The following SCAMP4 variants were observed in gnomAD, a reference collection of about 807,000 sequenced individuals.
SCAMP4 encodes the protein secretory carrier-associated membrane protein 4.
SCAMP4 carries 19 observed loss-of-function variants against 32.1 expected under a neutral mutation model. The observed-to-expected ratio is 0.59, with a 90% CI of 0.41 to 0.87. SCAMP4 has a LOEUF of 0.87. Among genes scored for constraint, SCAMP4 ranks in the 40% least tolerant of loss-of-function variants. The pLI is 0.00. For synonymous variants in SCAMP4, 152 were observed against 132.7 expected (o/e 1.15, Z -1.00); for missense variants, 302 against 309.0 (o/e 0.98, Z 0.17).
In SCAMP4 at chr19:1,924,509, T is replaced by C; in HGVS notation, c.*225T>C. The stretch of plus-strand genomic sequence containing the variant: ...AAGCACTCCCCAGCAGCCCTTGGCC[T>C]CTGCCGTCCACAGGACGCCCTCTTG... On this transcript the variant is annotated 3_prime_UTR_variant, in exon 7 of 7. Coordinates refer to ENST00000316097, the MANE Select transcript of SCAMP4 (RefSeq NM_079834.4). 3.5e-6 allele frequency: 2 copies of C among 570,516 alleles called. No individual in the cohort carries two copies. The highest frequency in any genetic ancestry group is 4.1e-5 in the South Asian group (2 of 48,464). 35.3% of individuals were successfully genotyped at this position (570,516 alleles called of 1,614,324 possible).
intron 5 of SCAMP4, chr19:1,922,111 C>G: frequency 4.1e-6 from 4 of 985,456 alleles, no homozygotes; most frequent in African/African-American, 1.7e-5. Context: ...GTTTCATCAC[C>G]TGTTAAGACA....
At chr19:1,916,237 CAAA>C (rs529074523) in intron 2 of SCAMP4, among the ~76,000 whole-genome samples, 3 of 115,922 alleles carry the variant, frequency 2.6e-5, no homozygotes, top group Non-Finnish European at 1.9e-5. Flanking sequence ...GACTGGATCT[CAAA>C]AAAAAAAAAA....
At chr19:1,915,499 G>T (rs962867915) in intron 2 of SCAMP4, 4 of 199,636 alleles carry the variant, frequency 2.0e-5, no homozygotes, top group Non-Finnish European at 4.2e-5. Flanking sequence ...CCAGTGCCAC[G>T]CTGAGTGCCC....
At chr19:1,911,096 TG>T (rs1387044608) in intron 1 of SCAMP4, among the ~76,000 whole-genome samples, 4 of 152,110 alleles carry the variant, frequency 2.6e-5, no homozygotes, top group Non-Finnish European at 5.9e-5. Context: ...AGGATGGTCT[TG>T]ATCTCCTGAC....
intron 6 of SCAMP4, 142 bp from the exon 7 acceptor site, chr19:1,923,966 T>G: frequency 3.3e-6 from 1 of 305,582 alleles, no homozygotes; most frequent in Non-Finnish European, 7.0e-6. Context: ...CACCATGTTG[T>G]TTGGACTGGT....
At position 1,909,347 on chromosome 19, in the gene SCAMP4, C is replaced by G. The variant is rs548996001; in HGVS notation, c.-42+3908C>G. 3.9e-5 allele frequency among the ~76,000 whole-genome samples: 6 copies of G among 152,336 alleles called. No individual in the cohort carries two copies. In the South Asian group the frequency reaches 1.0e-3, roughly 26 times the overall value. ...CACGCCTGCCTCTCTGCTGTGCTGTCTGCCCGCCTAGGGCAGGCTCCCTTC... is the reference window on the plus strand; with the variant it reads ...CACGCCTGCCTCTCTGCTGTGCTGTGTGCCCGCCTAGGGCAGGCTCCCTTC... On this transcript the variant is annotated intron_variant, in intron 1 of 6. Coordinates refer to ENST00000316097, the MANE Select transcript of SCAMP4 (RefSeq NM_079834.4).
chr19:1,924,357 G>A lies in SCAMP4; in HGVS notation c.*73G>A, dbSNP rs569277285. The A allele has an allele frequency of 2.1e-3, 3,010 of 1,442,338 alleles. 8 individuals carry two copies. The highest frequency in any genetic ancestry group is 5.5e-3 in the Middle Eastern group (23 of 4,206). The allele number at this position is 1,442,338 out of a possible 1,614,324, so 89.3% of individuals were successfully genotyped here. A position where few individuals can be genotyped will look rare whatever the true frequency, so the allele number is the denominator to read the frequency against. ...CCTGCTGCTACCCCTGGTCCCGAGG[G>A]CTGGGAGTACCTGGGGCCCCATCCC... is the stretch of plus-strand genomic sequence containing the variant. On this transcript the variant is annotated 3_prime_UTR_variant, in exon 7 of 7. Transcript: ENST00000316097.
intron 3 of SCAMP4, 110 bp downstream of exon 3, chr19:1,917,932 C>A: frequency 6.9e-7 from 1 of 1,447,054 alleles, no homozygotes; most frequent in South Asian, 1.3e-5. Flanking sequence ...CTACTGAAGC[C>A]GTCCTGGGCC....
chr19:1,909,500 C>G (rs1050447332), intron 1 of SCAMP4, among the ~76,000 whole-genome samples: 2 of 152,092 alleles, frequency 1.3e-5, no homozygotes, highest in African/African-American at 4.8e-5. Flanking sequence ...CTGTCCTCAC[C>G]TGTGCCAGCA....
At chr19:1,913,312 G>A in intron 1 of SCAMP4, 1 of 1,148,806 alleles carries the variant, frequency 8.7e-7, no homozygotes, top group Non-Finnish European at 1.2e-6. Flanking sequence ...TGCGGATCGA[G>A]CTTTCCTGGA....
chr19:1,914,852 C>CGCTTAGCCCACT (rs2013676299), intron 1 of SCAMP4, 127 bp from the exon 2 acceptor site: 3 of 753,816 alleles, frequency 4.0e-6, no homozygotes, highest in Non-Finnish European at 6.8e-6. Context: ...CTGTGGCTCC[C>CGCTTAGCCCACT]GCTTAGCCCA....
intron 5 of SCAMP4, chr19:1,922,488 G>T: frequency 1.1e-6 from 1 of 950,294 alleles, no homozygotes; most frequent in South Asian, 4.9e-5. Flanking sequence ...GCCCGCCTCG[G>T]CCTCCCAAAG....
At position 1,914,294 on chromosome 19, in the gene SCAMP4, G is replaced by C. The variant is rs529431510; in HGVS notation, c.-41-685G>C. Among the ~76,000 whole-genome samples, 3 of 152,296 alleles carry C rather than the reference G, an allele frequency of 2.0e-5. No individual in the cohort carries two copies. In the East Asian group the frequency reaches 5.8e-4, roughly 29 times the overall value. On this transcript the variant is annotated intron_variant, in intron 1 of 6. Transcript: ENST00000316097. ...GGTGACATGTTCCTGAACGGGTTGT[G>C]AGTGGAGGGCTCAGTTCCTGGGAAC...
intron 1 of SCAMP4, chr19:1,912,201 CAGT>C: frequency 6.3e-7 from 1 of 1,588,818 alleles, no homozygotes; most frequent in South Asian, 1.1e-5. Context: ...GTCCGAGAAG[CAGT>C]CAGGGGACGT....
intron 1 of SCAMP4, 52 bp downstream of exon 1, chr19:1,905,491 A>AG (rs1323737712): frequency 2.5e-6 from 1 of 395,554 alleles, no homozygotes; most frequent in East Asian, 1.1e-4. Flanking sequence ...ACTTCCCCAG[A>AG]GGGGGAGTAG....
At chr19:1,922,734 G>A in intron 5 of SCAMP4, 3 of 1,014,010 alleles carry the variant, frequency 3.0e-6, no homozygotes, top group Non-Finnish European at 3.5e-6. Flanking sequence ...ACTCACTGAG[G>A]GAAACTAATG....
chr19:1,908,483 T>C lies in SCAMP4; in HGVS notation c.-42+3044T>C, dbSNP rs1213732966. On this transcript the variant is annotated intron_variant, in intron 1 of 6. Transcript: ENST00000316097. This position sits in a 1 kb window ranked among gnomAD's most constrained non-coding sequence, Gnocchi z 4.2. The stretch of plus-strand genomic sequence containing the variant: ...GAAATGATCCAGAGACACATCCCTG[T>C]CTGCGGGAGGAGCCGTCCATACCAG... 6.4e-6 allele frequency: 3 copies of C among 470,880 alleles called. No individual in the cohort carries two copies. Among genetic ancestry groups the C allele is most frequent in the Non-Finnish European group, 1.3e-5 (3 of 227,020 alleles). 29.2% of individuals were successfully genotyped at this position (470,880 alleles called of 1,614,324 possible).
rs1290625909 is a variant in SCAMP4, at chr19:1,924,871, A to G, written c.*587A>G. On this transcript the variant is annotated 3_prime_UTR_variant, in exon 7 of 7. Transcript: ENST00000316097. ...GCGGCTCCAGCCTCGCCCCCTCCCCACGTGCACCATACCTGGGGAGTTCCT... is the reference window on the plus strand; with the variant it reads ...GCGGCTCCAGCCTCGCCCCCTCCCCGCGTGCACCATACCTGGGGAGTTCCT... 1.3e-5 allele frequency: 2 copies of G among 154,128 alleles called. No homozygotes were observed. The highest frequency in any genetic ancestry group is 4.8e-5 in the African/African-American group (2 of 41,366). The allele number at this position is 154,128 out of a possible 1,614,324, so 9.5% of individuals were successfully genotyped here.
At chr19:1,915,807 G>A (rs925076840) in intron 2 of SCAMP4, among the ~76,000 whole-genome samples, 25 of 152,070 alleles carry the variant, frequency 1.6e-4, no homozygotes, top group Admixed American at 7.9e-4. Context: ...TTAGCTGGGC[G>A]TGGTGGCGGG....
Sources: gnomAD v4.1 joint callset for allele counts (sites outside exome capture counted in the v4.1 genomes callset) on GRCh38, gnomAD v4.1.1 for gene constraint, Gnocchi (gnomAD v3.1) non-coding constraint, MANE v1.5 for transcripts, NCBI Gene and HGNC (gene_info 2026-07-23, HGNC 2026-07-21) for gene names.